Variants in HSPA13 observed in about 807,000 individuals in gnomAD.
HSPA13 encodes heat shock 70 kDa protein 13.
A neutral mutation model predicts 38.8 loss-of-function variants in HSPA13; 29 were observed. The ratio of observed to expected loss-of-function variants is 0.75; its 90% CI spans 0.56 to 1.02. The LOEUF (loss-of-function observed/expected upper bound fraction) is 1.02. Ranked by LOEUF, HSPA13 falls within the 50% of genes least tolerant of loss-of-function variation. The probability of loss-of-function intolerance (pLI) is 0.00; values close to 1 mark genes in which losing one functional copy is unlikely to be tolerated. For missense variants in HSPA13, 451 were observed against 560.9 expected (o/e 0.80, Z 1.98); for synonymous variants, 192 against 205.3 (o/e 0.94, Z 0.56).
chr21:14,382,550 T>G (rs577766089), intron 1 of HSPA13, among the ~76,000 whole-genome samples: 8 of 152,048 alleles, frequency 5.3e-5, no homozygotes, highest in South Asian at 4.1e-4. Flanking sequence ...TAAAACCAAG[T>G]GCGAATCCCA....
At chr21:14,378,678 G>T (rs1460792781) in intron 2 of HSPA13, among the ~76,000 whole-genome samples, 1 of 151,418 alleles carries the variant, frequency 6.6e-6, no homozygotes, top group Admixed American at 6.6e-5. Flanking sequence ...GGAGTGCGGT[G>T]GCATGATCTC....
chr21:14,378,486 A>G, intron 2 of HSPA13, 74 bp from the exon 3 acceptor site: 1 of 913,806 alleles, frequency 1.1e-6, no homozygotes, highest in Non-Finnish European at 1.7e-6. Flanking sequence ...ATACATAAAT[A>G]CTAGATTTCA....
chr21:14,383,038 G>T, intron 1 of HSPA13, 57 bp downstream of exon 1: 1 of 1,601,304 alleles, frequency 6.2e-7, no homozygotes, highest in Non-Finnish European at 8.6e-7. Context: ...TGCCCACTCT[G>T]GCATCCTCAG....
chr21:14,373,838 T>C lies in HSPA13; in HGVS notation c.1195A>G (p.Ile399Val), dbSNP rs754962783. The change falls in exon 5 of 5, where the codon ATT becomes GTT. Residue 399 changes from isoleucine to valine, a missense_variant. Transcript: ENST00000285667. ...CCCCCAACTAAAACCACCTCATCAA[T>C]CTCAGTCTTTTCCAGGTGGCCTTCT... ...LKEGHLEKTE[I>V]DEVVLVGGST... is the part of the protein sequence containing the mutation. The C allele has an allele frequency of 1.2e-6, 2 of 1,614,220 alleles. No individual in the cohort carries two copies. Among genetic ancestry groups the C allele is most frequent in the Non-Finnish European group, 1.7e-6 (2 of 1,180,022 alleles).
rs1194540779 is a variant in HSPA13, at chr21:14,374,033, A to C, written c.1000T>G (p.Ser334Ala). 2.5e-6 allele frequency: 4 copies of C among 1,614,176 alleles called. No individual in the cohort carries two copies. The highest frequency in any genetic ancestry group is 3.4e-6 in the Non-Finnish European group (4 of 1,180,022). The change falls in exon 5 of 5, where the codon TCC becomes GCC. Residue 334 changes from serine (S) to alanine (A), a missense_variant. Ser to Ala is a moderately conservative substitution (Grantham distance 99, BLOSUM62 1). Coordinates refer to ENST00000285667, the MANE Select transcript of HSPA13 (RefSeq NM_006948.5). ...TTCACGCGATGGTCATCTGCTGAGG[A>C]AAGTTTGTCTTTTGGCAGTTCAGTG... ...SDTELPKDKL[S>A]SADDHRVNSG... is the part of the protein sequence containing the mutation.
At chr21:14,375,405 G>A (rs957380551) in intron 4 of HSPA13, among the ~76,000 whole-genome samples, 1 of 146,390 alleles carries the variant, frequency 6.8e-6, no homozygotes, top group Non-Finnish European at 1.5e-5. Context: ...AAAGAATTCT[G>A]GGGGAAAAAA....
chr21:14,380,430 A>T (rs142926132), intron 2 of HSPA13, among the ~76,000 whole-genome samples: 20 of 150,456 alleles, frequency 1.3e-4, no homozygotes, highest in African/African-American at 4.6e-4. Flanking sequence ...AAAAATTCTG[A>T]TCTCACTAAA....
chr21:14,380,021 A>C (rs572453264), intron 2 of HSPA13, among the ~76,000 whole-genome samples: 27 of 152,220 alleles, frequency 1.8e-4, no homozygotes, highest in African/African-American at 4.6e-4. Context: ...AAAAAAAAAA[A>C]CAAAAACTAA....
In HSPA13 at chr21:14,372,010, T is replaced by G. The variant is rs969692451; in HGVS notation, c.*1607A>C. 4 of 152,490 alleles carry G rather than the reference T, an allele frequency of 2.6e-5. No individual in the cohort carries two copies. The highest frequency in any genetic ancestry group is 9.6e-5 in the African/African-American group (4 of 41,462). 9.4% of individuals were successfully genotyped at this position (152,490 alleles called of 1,614,324 possible). Reference sequence around the variant, plus strand: ...ATCTACCTACTATACATATTTTCTATACACAAAAGTATTTGATTGAAATTT... The same window carrying G: ...ATCTACCTACTATACATATTTTCTAGACACAAAAGTATTTGATTGAAATTT... On this transcript the variant is annotated 3_prime_UTR_variant, in exon 5 of 5. Transcript: ENST00000285667.
At chr21:14,376,744 A>G (rs933530278) in intron 3 of HSPA13, among the ~76,000 whole-genome samples, 1 of 152,186 alleles carries the variant, frequency 6.6e-6, no homozygotes, top group Admixed American at 6.5e-5. Context: ...TGGCTGTTGC[A>G]GTGGCCATCT....
rs899782418 is a variant in HSPA13, at chr21:14,371,747, G to A, written c.*1870C>T. ...TGTCTTGAACATCTCAAACATTTGA[G>A]AAATTCAAGGTTTTCTTTATGTTTT... On this transcript the variant is annotated 3_prime_UTR_variant, in exon 5 of 5. Coordinates refer to ENST00000285667, the MANE Select transcript of HSPA13 (RefSeq NM_006948.5). 1 of 152,058 alleles carries A rather than the reference G, an allele frequency of 6.6e-6. No individual in the cohort carries two copies. The highest frequency in any genetic ancestry group is 1.5e-5 in the Non-Finnish European group (1 of 67,942). The allele number at this position is 152,058 out of a possible 1,614,324, so 9.4% of individuals were successfully genotyped here. A position where few individuals can be genotyped will look rare whatever the true frequency, so the allele number is the denominator to read the frequency against.
chr21:14,376,710 A>C (rs1282422421), intron 3 of HSPA13, among the ~76,000 whole-genome samples: 1 of 152,200 alleles, frequency 6.6e-6, no homozygotes. Flanking sequence ...CCTATCCTCT[A>C]TGTACCAGCA....
rs1982884051 is a variant in HSPA13 at position 14,373,735 on chromosome 21, TCAGGGTCTACAGATGTGTTGGGA to T, written c.1275_1297del (p.Asp425GlufsTer15). 6.2e-7 allele frequency: 1 copy of T among 1,614,082 alleles called. No individual in the cohort carries two copies. Among genetic ancestry groups the T allele is most frequent in the Non-Finnish European group, 8.5e-7 (1 of 1,180,040 alleles). On this transcript the variant is annotated frameshift_variant, in exon 5 of 5. Transcript: ENST00000285667. LOFTEE classifies it high-confidence loss of function. ...AGCCACTCCCGTTACTACTGCTAGG[TCAGGGTCTACAGATGTGTTGGGA>T]TCTTTTCCAAAGAACTCTTGAATGA...
intron 4 of HSPA13, 128 bp downstream of exon 4, chr21:14,375,522 CAG>C (rs907367848): frequency 2.3e-4 from 71 of 306,494 alleles, no homozygotes; most frequent in Non-Finnish European, 3.4e-4. Flanking sequence ...TTAGTAGAGA[CAG>C]GGTTTCACCG....
At chr21:14,382,329 AG>A in intron 1 of HSPA13, among the ~76,000 whole-genome samples, 1 of 152,292 alleles carries the variant, frequency 6.6e-6, no homozygotes, top group Non-Finnish European at 1.5e-5. Context: ...TAAAAAAAAA[AG>A]AAAAAAGAGT....
chr21:14,378,167 G>GA, intron 3 of HSPA13, 32 bp downstream of exon 3: 1 of 1,554,962 alleles, frequency 6.4e-7, no homozygotes, highest in Non-Finnish European at 8.9e-7. Flanking sequence ...ACAATTTTGA[G>GA]AAAAATGCAT....
chr21:14,377,536 G>T (rs6516754), intron 3 of HSPA13, among the ~76,000 whole-genome samples: 64,187 of 151,948 alleles, frequency 0.42, 13,884 homozygotes, highest in Non-Finnish European at 0.48. Context: ...TACATTGATG[G>T]TTAATATTAT....
rs541404732 is a variant in HSPA13 at position 14,372,805 on chromosome 21, G to A, written c.*812C>T. 2 of 152,162 alleles carry A rather than the reference G, an allele frequency of 1.3e-5. No homozygotes were observed. Among genetic ancestry groups the A allele is most frequent in the African/African-American group, 4.8e-5 (2 of 41,536 alleles). 9.4% of individuals were successfully genotyped at this position (152,162 alleles called of 1,614,324 possible). A position where few individuals can be genotyped will look rare whatever the true frequency, so the allele number is the denominator to read the frequency against. On this transcript the variant is annotated 3_prime_UTR_variant, in exon 5 of 5. Transcript: ENST00000285667. Reference sequence around the variant, plus strand: ...GGTCTCGGATAACAAAAATAAGATAGCAATCATGGCTTTATTATGACATTA... The same window carrying A: ...GGTCTCGGATAACAAAAATAAGATAACAATCATGGCTTTATTATGACATTA...
Position 14,381,482 on chromosome 21 carries a change from A to C in HSPA13, c.87T>G (p.Pro29=), listed in dbSNP as rs1261419775. ...GYLAQQYLPL[P]TPKVIGIDLG... ...GATCAATACCAATCACTTTAGGAGT[A>C]GGCAATGGTAAATACTGTTGTGCCA... The change falls in exon 2 of 5, where the codon CCT becomes CCG. Residue 29 remains proline (P), a synonymous_variant. Coordinates refer to ENST00000285667, the MANE Select transcript of HSPA13 (RefSeq NM_006948.5). 1 of 1,613,634 alleles carries C rather than the reference A, an allele frequency of 6.2e-7. No homozygotes were observed. Among genetic ancestry groups the C allele is most frequent in the Admixed American group, 1.7e-5 (1 of 60,018 alleles).
Sources: allele counts gnomAD v4.1 joint callset (sites outside exome capture counted in the v4.1 genomes callset), GRCh38; gene constraint gnomAD v4.1.1; transcripts MANE v1.5; gene names NCBI Gene and HGNC (gene_info 2026-07-23, HGNC 2026-07-21).